TMC5: variants seen among roughly 807,000 people sequenced by gnomAD.
TMC5 encodes transmembrane channel-like protein 5.
Under a neutral mutation model 110.5 loss-of-function variants are expected in TMC5, and 86 were observed. The ratio of observed to expected loss-of-function variants is 0.78; its 90% CI spans 0.65 to 0.93. The LOEUF is 0.93. Among genes scored for constraint, TMC5 ranks in the 40% least tolerant of loss-of-function variants. TMC5 has a pLI of 0.00. For synonymous variants in TMC5, 455 were observed against 439.5 expected, an observed-to-expected ratio of 1.04 and a Z score of -0.44; for missense variants, 1,144 against 1,222.8, an observed-to-expected ratio of 0.94 and a Z score of 0.96.
intron 8 of TMC5, among the ~76,000 whole-genome samples, chr16:19,465,040 T>C (rs1173827982): frequency 9.8e-6 from 1 of 102,446 alleles, no homozygotes; most frequent in African/African-American, 4.9e-5. Context: ...TCTTTCTTTC[T>C]TTCTTTCTTT....
Position 19,431,568 on chromosome 16 carries a change from AG to A in TMC5, c.-80+929del, listed in dbSNP as rs771035511. 4.0e-5 allele frequency among the ~76,000 whole-genome samples: 6 copies of A among 151,192 alleles called. No homozygotes were observed. The East Asian group carries it at 7.7e-4, about 19-fold the overall frequency. On this transcript the variant is annotated intron_variant, in intron 2 of 21. Transcript: ENST00000542583. ...AGAAAAAAAAAAAAAAAGAAGAAGA[AG>A]AAGACAAAATGTACGGCTGAAATTG...
intron 4 of TMC5, among the ~76,000 whole-genome samples, chr16:19,447,762 C>T (rs1254050594): frequency 6.6e-6 from 1 of 151,948 alleles, no homozygotes; most frequent in Non-Finnish European, 1.5e-5. Flanking sequence ...CCATGTTGCC[C>T]AAGCTGGTCT....
chr16:19,477,600 T>C (rs1395540875), intron 13 of TMC5, 82 bp downstream of exon 13: 2 of 928,886 alleles, frequency 2.2e-6, no homozygotes, highest in African/African-American at 3.3e-5. Flanking sequence ...TCAAGAGCCA[T>C]CACACTCCGT....
At chr16:19,491,252 C>T (rs1228182932) in intron 18 of TMC5, among the ~76,000 whole-genome samples, 1 of 152,142 alleles carries the variant, frequency 6.6e-6, no homozygotes, top group African/African-American at 2.4e-5. Flanking sequence ...TCAAATTATC[C>T]TCCTGCCTCA....
chr16:19,421,458 T>C (rs972860628), intron 1 of TMC5, among the ~76,000 whole-genome samples: 8 of 152,258 alleles, frequency 5.3e-5, no homozygotes, highest in South Asian at 2.1e-4. Flanking sequence ...CCTGCCGCCA[T>C]GTAAGATGTG....
chr16:19,454,052 T>C (rs1418010074), intron 5 of TMC5, among the ~76,000 whole-genome samples: 1 of 151,960 alleles, frequency 6.6e-6, no homozygotes, highest in Non-Finnish European at 1.5e-5. Context: ...AGCATCTTTT[T>C]TGTTGTTGTT....
intron 15 of TMC5, among the ~76,000 whole-genome samples, chr16:19,485,267 G>T (rs564829160): frequency 4.0e-5 from 6 of 151,862 alleles, no homozygotes; most frequent in Admixed American, 3.3e-4. Context: ...GTACTAGTAC[G>T]TCCACCATTT....
intron 19 of TMC5, among the ~76,000 whole-genome samples, chr16:19,492,915 G>GAGATATATATATATATAT (rs1555486833): frequency 7.9e-4 from 34 of 42,784 alleles, no homozygotes; most frequent in East Asian, 3.6e-3. Flanking sequence ...TTAAAACTTA[G>GAGATATATATATATATAT]ATATATATAT....
At chr16:19,444,946 C>T (rs1261325144) in intron 4 of TMC5, among the ~76,000 whole-genome samples, 2 of 152,172 alleles carry the variant, frequency 1.3e-5, no homozygotes, top group East Asian at 3.9e-4. Context: ...GCCTGGCCAA[C>T]ATGGTGAAAC....
At chr16:19,488,493 C>A (rs1177790475) in intron 17 of TMC5, among the ~76,000 whole-genome samples, 1 of 152,064 alleles carries the variant, frequency 6.6e-6, no homozygotes, top group Non-Finnish European at 1.5e-5. Context: ...ACCTCTCCAA[C>A]CCCACTTCCC....
chr16:19,463,244 T>C (rs1381132954), intron 6 of TMC5, 36 bp from the exon 7 acceptor site: 2 of 1,499,002 alleles, frequency 1.3e-6, no homozygotes, highest in Non-Finnish European at 9.3e-7. Context: ...AGTTGCAACA[T>C]TTGTATCTCT....
At chr16:19,420,391 G>A (rs1966957522) in intron 1 of TMC5, among the ~76,000 whole-genome samples, 1 of 151,620 alleles carries the variant, frequency 6.6e-6, no homozygotes, top group Non-Finnish European at 1.5e-5. Context: ...TCATGCCACT[G>A]CACTCCAGCC....
chr16:19,431,557 AAAGAAG>A (rs1201164006), intron 2 of TMC5, among the ~76,000 whole-genome samples: 3 of 151,604 alleles, frequency 2.0e-5, no homozygotes, highest in African/African-American at 4.8e-5. Flanking sequence ...AAAAAAAAAA[AAAGAAG>A]AAGAAGAAGA....
chr16:19,415,424 A>T (rs1966871879), upstream of TMC5, among the ~76,000 whole-genome samples: 1 of 152,058 alleles, frequency 6.6e-6, no homozygotes, highest in Non-Finnish European at 1.5e-5. Flanking sequence ...TAGCTTGCAG[A>T]TGGGGTGGGG....
At chr16:19,427,815 C>T (rs1010397458) in intron 1 of TMC5, among the ~76,000 whole-genome samples, 1 of 151,410 alleles carries the variant, frequency 6.6e-6, no homozygotes, top group Non-Finnish European at 1.5e-5. Context: ...AAGTCGCCCC[C>T]ACTTGAGAAC....
chr16:19,470,225 G>A (rs558366656), intron 10 of TMC5, among the ~76,000 whole-genome samples: 1 of 146,752 alleles, frequency 6.8e-6, no homozygotes, highest in Non-Finnish European at 1.5e-5. Context: ...ATCTCACTCC[G>A]CCGCCCAGGC....
At chr16:19,478,135 T>A (rs1268068586) in intron 13 of TMC5, among the ~76,000 whole-genome samples, 1 of 152,200 alleles carries the variant, frequency 6.6e-6, no homozygotes, top group Non-Finnish European at 1.5e-5. Flanking sequence ...GCCTTCTCAT[T>A]GGGATGCCTC....
intron 19 of TMC5, among the ~76,000 whole-genome samples, chr16:19,492,915 G>GATAGATAGATATATATAT (rs58561457): frequency 4.2e-4 from 18 of 42,788 alleles, no homozygotes; most frequent in African/African-American, 9.7e-4. Context: ...TTAAAACTTA[G>GATAGATAGATATATATAT]ATATATATAT....
At chr16:19,449,709 C>G in intron 5 of TMC5, 78 bp downstream of exon 5, 1 of 1,308,790 alleles carries the variant, frequency 7.6e-7, no homozygotes, top group African/African-American at 1.4e-5. Context: ...GGGGGAGAGA[C>G]CTGGTGGGAG....
Sources: gnomAD v4.1 joint callset for allele counts (sites outside exome capture counted in the v4.1 genomes callset) on GRCh38, gnomAD v4.1.1 for gene constraint, MANE v1.5 for transcripts, NCBI Gene and HGNC (gene_info 2026-07-23, HGNC 2026-07-21) for gene names.